ITFG1: variants seen among roughly 807,000 people sequenced by gnomAD.
The protein encoded by ITFG1 is T-cell immunomodulatory protein.
In ITFG1, 34 loss-of-function variants were observed where a neutral mutation model predicts 81.8. The observed-to-expected ratio is 0.42, with a 90% CI of 0.32 to 0.55. The LOEUF is 0.55. ITFG1 is among the 20% of genes least tolerant of loss of function. The probability of loss-of-function intolerance (pLI) is 0.17; values close to 1 mark genes in which losing one functional copy is unlikely to be tolerated. For missense variants in ITFG1, 672 were observed against 755.4 expected (o/e 0.89, Z 1.29); for synonymous variants, 285 against 270.6 (o/e 1.05, Z -0.52).
rs751309403 is a variant in ITFG1 at position 47,428,785 on chromosome 16, A to C, written c.655+19T>G. 60 of 1,500,238 alleles carry C rather than the reference A, an allele frequency of 4.0e-5. No individual in the cohort carries two copies. The East Asian group carries it at 1.3e-3, about 33-fold the overall frequency. 92.9% of individuals were successfully genotyped at this position (1,500,238 alleles called of 1,614,324 possible). A position where few individuals can be genotyped will look rare whatever the true frequency, so the allele number is the denominator to read the frequency against. On this transcript the variant is annotated intron_variant, in intron 6 of 17. Coordinates refer to ENST00000320640, the MANE Select transcript of ITFG1 (RefSeq NM_030790.5). Reference sequence around the variant, plus strand: ...TTCTTTGGTAACTCAAAACAATTCCAGATTTATGTGCAACTCACCTGCTGT... The same window carrying C: ...TTCTTTGGTAACTCAAAACAATTCCCGATTTATGTGCAACTCACCTGCTGT...
intron 14 of ITFG1, among the ~76,000 whole-genome samples, chr16:47,210,053 G>A (rs549939669): frequency 5.9e-5 from 9 of 152,076 alleles, no homozygotes; most frequent in Non-Finnish European, 1.3e-4. Flanking sequence ...TCATCTCTCT[G>A]GGATAAATGC....
At chr16:47,418,562 A>G (rs946265578) in intron 6 of ITFG1, among the ~76,000 whole-genome samples, 2 of 152,072 alleles carry the variant, frequency 1.3e-5, no homozygotes, top group Non-Finnish European at 2.9e-5. Flanking sequence ...TTTTTTGTAT[A>G]TCATGGTGGG....
rs1286452759 is a variant in ITFG1, at chr16:47,298,929, C to G, written c.1070+12311G>C. Among the ~76,000 whole-genome samples, 3 of 152,142 alleles carry G rather than the reference C, an allele frequency of 2.0e-5. No individual in the cohort carries two copies. The South Asian group carries it at 6.2e-4, about 32-fold the overall frequency. The stretch of plus-strand genomic sequence containing the variant: ...TGCTCAAGGGCTTGAGTCACCTTCT[C>G]TCTAGGATGGGGTGGTAAAGCTGAG... On this transcript the variant is annotated intron_variant, in intron 10 of 17. Transcript: ENST00000320640.
intron 14 of ITFG1, among the ~76,000 whole-genome samples, chr16:47,203,881 G>A (rs1300582613): frequency 6.6e-6 from 1 of 152,194 alleles, no homozygotes; most frequent in African/African-American, 2.4e-5. Context: ...GAGCAGGAGG[G>A]AAATGGGGAG....
At chr16:47,226,416 C>A (rs1244148468) in intron 13 of ITFG1, among the ~76,000 whole-genome samples, 1 of 152,162 alleles carries the variant, frequency 6.6e-6, no homozygotes, top group Non-Finnish European at 1.5e-5. Context: ...TACATGTGCA[C>A]AACGTGCAGG....
chr16:47,460,758 G>C (rs554064179), intron 1 of ITFG1, 80 bp downstream of exon 1: 24 of 1,442,650 alleles, frequency 1.7e-5, no homozygotes, highest in Non-Finnish European at 2.3e-5. Context: ...CAGAAGGACC[G>C]GCCATTGGGC....
intron 6 of ITFG1, among the ~76,000 whole-genome samples, chr16:47,425,195 C>T (rs1969003741): frequency 6.6e-6 from 1 of 152,204 alleles, no homozygotes; most frequent in Non-Finnish European, 1.5e-5. Context: ...GCAGGTTGAT[C>T]TCAGACTGCT....
At chr16:47,326,208 A>G (rs1480695604) in intron 8 of ITFG1, among the ~76,000 whole-genome samples, 3 of 152,208 alleles carry the variant, frequency 2.0e-5, no homozygotes, top group African/African-American at 7.2e-5. Context: ...TATAAACAGA[A>G]CCAAAGACAA....
At chr16:47,294,146 C>T (rs1449498943) in intron 10 of ITFG1, among the ~76,000 whole-genome samples, 1 of 151,884 alleles carries the variant, frequency 6.6e-6, no homozygotes, top group Non-Finnish European at 1.5e-5. Context: ...TTGTTTTTGT[C>T]TTAACAAAGA....
At chr16:47,458,596 AG>A (rs1334527169) in intron 2 of ITFG1, among the ~76,000 whole-genome samples, 1 of 152,232 alleles carries the variant, frequency 6.6e-6, no homozygotes, top group Non-Finnish European at 1.5e-5. Flanking sequence ...ACCACAGAAA[AG>A]AAAAATAACT....
rs536451279 is a variant in ITFG1 at position 47,347,467 on chromosome 16, C to T, written c.802+18321G>A. 9.8e-5 allele frequency among the ~76,000 whole-genome samples: 15 copies of T among 152,338 alleles called. No individual in the cohort carries two copies. The South Asian group carries it at 2.1e-3, about 21-fold the overall frequency. Reference sequence around the variant, plus strand: ...CATTGCTAGCGCAGCAGTCTGAGATCGAACTGCAAGGCAGCAGCAGGGCTG... The same window carrying T: ...CATTGCTAGCGCAGCAGTCTGAGATTGAACTGCAAGGCAGCAGCAGGGCTG... On this transcript the variant is annotated intron_variant, in intron 8 of 17. Coordinates refer to ENST00000320640, the MANE Select transcript of ITFG1 (RefSeq NM_030790.5).
chr16:47,228,910 T>C (rs1340438575), intron 13 of ITFG1, among the ~76,000 whole-genome samples: 2 of 152,236 alleles, frequency 1.3e-5, no homozygotes, highest in African/African-American at 2.4e-5. Context: ...GCATTTCTCT[T>C]GTAAATAGCT....
intron 14 of ITFG1, among the ~76,000 whole-genome samples, chr16:47,178,172 GA>G (rs1050524410): frequency 6.6e-6 from 1 of 152,106 alleles, no homozygotes; most frequent in African/African-American, 2.4e-5. Context: ...TAATTAAATG[GA>G]TGGTTACCCA....
At chr16:47,179,911 T>C (rs1237593329) in intron 14 of ITFG1, among the ~76,000 whole-genome samples, 1 of 152,212 alleles carries the variant, frequency 6.6e-6, no homozygotes, top group Admixed American at 6.5e-5. Context: ...AGTTGAGTTA[T>C]GATTGTGAAT....
intron 10 of ITFG1, among the ~76,000 whole-genome samples, chr16:47,296,295 T>C (rs753364332): frequency 1.3e-5 from 2 of 151,878 alleles, no homozygotes; most frequent in Non-Finnish European, 2.9e-5. Flanking sequence ...CTCTTAGCAC[T>C]GCTTTTGCTA....
intron 5 of ITFG1, among the ~76,000 whole-genome samples, chr16:47,450,776 G>T (rs1382522969): frequency 2.0e-5 from 3 of 152,254 alleles, no homozygotes; most frequent in African/African-American, 7.2e-5. Flanking sequence ...AAAGTATCTT[G>T]CTATCAGGAA....
intron 8 of ITFG1, among the ~76,000 whole-genome samples, chr16:47,323,451 G>C (rs1449830364): frequency 6.6e-6 from 1 of 152,154 alleles, no homozygotes; most frequent in Non-Finnish European, 1.5e-5. Context: ...TCCCCACCAG[G>C]AGGACTCTGG....
At chr16:47,269,487 A>T (rs1431853572) in intron 10 of ITFG1, among the ~76,000 whole-genome samples, 13 of 108,678 alleles carry the variant, frequency 1.2e-4, no homozygotes, top group Admixed American at 8.2e-4. Flanking sequence ...TGTCTCTATT[A>T]AAAAAAAAAA....
intron 13 of ITFG1, among the ~76,000 whole-genome samples, chr16:47,233,554 T>C (rs940416227): frequency 1.3e-5 from 2 of 152,236 alleles, no homozygotes; most frequent in Non-Finnish European, 2.9e-5. Context: ...AAGGTAACCA[T>C]TCTGAAATAT....
Sources: gnomAD v4.1 joint callset for allele counts (sites outside exome capture counted in the v4.1 genomes callset) on GRCh38, gnomAD v4.1.1 for gene constraint, MANE v1.5 for transcripts, NCBI Gene and HGNC (gene_info 2026-07-23, HGNC 2026-07-21) for gene names.